Variants in LIN28B observed in about 807,000 individuals in gnomAD.
LIN28B encodes the protein lin-28 RNA binding posttranscriptional regulator B.
LIN28B carries 5 observed loss-of-function variants against 21.9 expected under a neutral mutation model. The observed-to-expected ratio is 0.23, with a 90% CI of 0.12 to 0.48. The LOEUF is 0.48. LIN28B is among the 20% of genes least tolerant of loss of function. LIN28B has a pLI of 0.98. For missense variants in LIN28B, 245 were observed against 310.5 expected, an observed-to-expected ratio of 0.79 and a Z score of 1.58; for synonymous variants, 109 against 111.3, an observed-to-expected ratio of 0.98 and a Z score of 0.13.
intron 2 of LIN28B, among the ~76,000 whole-genome samples, chr6:104,961,141 C>T (rs1342070731): frequency 2.0e-5 from 3 of 151,878 alleles, no homozygotes; most frequent in African/African-American, 4.8e-5. Flanking sequence ...TATATTCTGA[C>T]CCATGTTAAT....
At chr6:104,939,299 C>T (rs970806140) in intron 2 of LIN28B, 4 of 152,158 alleles carry the variant, frequency 2.6e-5, no homozygotes, top group African/African-American at 7.2e-5. Flanking sequence ...TACTACTTCG[C>T]AAAGTAATGT....
rs1772484973 is a variant in LIN28B at position 105,078,837 on chromosome 6, C to T, written c.*54C>T. 1 of 1,557,552 alleles carries T rather than the reference C, an allele frequency of 6.4e-7. No individual in the cohort carries two copies. Among genetic ancestry groups the T allele is most frequent in the Non-Finnish European group, 8.7e-7 (1 of 1,149,420 alleles). ...ACCCGGTTGCAAAGTCTACCTCATG[C>T]AAGTATAGGGGAACAGTATTTCACA... On this transcript the variant is annotated 3_prime_UTR_variant, in exon 4 of 4. Transcript: ENST00000345080.
At chr6:105,030,592 C>CTTTTTTTTTTTTTT (rs980799980) in intron 3 of LIN28B, among the ~76,000 whole-genome samples, 2 of 106,594 alleles carry the variant, frequency 1.9e-5, no homozygotes, top group Non-Finnish European at 3.8e-5. Flanking sequence ...TTCTTTCTTT[C>CTTTTTTTTTTTTTT]TTTTTTTTTT....
At chr6:104,950,177 A>G (rs553664289) in intron 2 of LIN28B, among the ~76,000 whole-genome samples, 49 of 152,282 alleles carry the variant, frequency 3.2e-4, no homozygotes, top group Middle Eastern at 6.8e-3. Flanking sequence ...TAAAATTTAA[A>G]CTGCATTGTT....
At chr6:105,023,831 TATAAG>T (rs1228382641) in intron 2 of LIN28B, among the ~76,000 whole-genome samples, 9 of 148,810 alleles carry the variant, frequency 6.0e-5, no homozygotes, top group African/African-American at 2.2e-4. Flanking sequence ...GCAGTTCACT[TATAAG>T]ATACCTATCA....
At chr6:104,965,504 C>G (rs1387964216) in intron 2 of LIN28B, among the ~76,000 whole-genome samples, 2 of 152,216 alleles carry the variant, frequency 1.3e-5, no homozygotes, top group African/African-American at 4.8e-5. Context: ...GTCTGGACGA[C>G]AGAGCAAGAT....
chr6:105,043,529 GA>G (rs1388962589), intron 3 of LIN28B, among the ~76,000 whole-genome samples: 1 of 150,560 alleles, frequency 6.6e-6, no homozygotes, highest in African/African-American at 2.4e-5. Flanking sequence ...AACTTAATAA[GA>G]TTGATAATTT....
Position 105,082,804 on chromosome 6 carries a change from G to C in LIN28B, c.*4021G>C, listed in dbSNP as rs1486827079. The C allele has an allele frequency of 5.2e-5, 8 of 152,760 alleles. No homozygotes were observed. The East Asian group carries it at 1.4e-3, about 26-fold the overall frequency. 9.5% of individuals were successfully genotyped at this position (152,760 alleles called of 1,614,324 possible). A position where few individuals can be genotyped will look rare whatever the true frequency, so the allele number is the denominator to read the frequency against. Reference sequence around the variant, plus strand: ...ATGGTAAAGTACTGTACTGTGAGAAGTATTATGATATTTAATGCATCTGTG... The same window carrying C: ...ATGGTAAAGTACTGTACTGTGAGAACTATTATGATATTTAATGCATCTGTG... On this transcript the variant is annotated 3_prime_UTR_variant, in exon 4 of 4. Coordinates refer to ENST00000345080, the MANE Select transcript of LIN28B (RefSeq NM_001004317.4).
At chr6:104,961,640 T>G (rs1277776480) in intron 2 of LIN28B, among the ~76,000 whole-genome samples, 1 of 152,136 alleles carries the variant, frequency 6.6e-6, no homozygotes, top group African/African-American at 2.4e-5. Context: ...GACCTTGTGA[T>G]CTGCCTGCCT....
At chr6:105,051,658 A>G (rs145310358) in intron 3 of LIN28B, among the ~76,000 whole-genome samples, 1 of 152,272 alleles carries the variant, frequency 6.6e-6, no homozygotes, top group East Asian at 1.9e-4. Context: ...TCATGGGTAC[A>G]AAGTAACTAC....
At chr6:104,951,313 T>C (rs965974971) in intron 3 of LIN28B, among the ~76,000 whole-genome samples, 1 of 152,082 alleles carries the variant, frequency 6.6e-6, no homozygotes, top group Non-Finnish European at 1.5e-5. Context: ...TTTTCAAATA[T>C]AGGATTGTGA....
At chr6:105,031,175 T>A (rs1180991843) in intron 3 of LIN28B, among the ~76,000 whole-genome samples, 1 of 152,048 alleles carries the variant, frequency 6.6e-6, no homozygotes, top group South Asian at 2.1e-4. Context: ...GTCTGAACCA[T>A]GGATTTCTGC....
chr6:105,046,138 G>A lies in LIN28B; in HGVS notation c.383+19656G>A, dbSNP rs552264441. Among the ~76,000 whole-genome samples, 4 of 152,186 alleles carry A rather than the reference G, an allele frequency of 2.6e-5. No homozygotes were observed. In the South Asian group the frequency reaches 8.3e-4, roughly 32 times the overall value. On this transcript the variant is annotated intron_variant, in intron 3 of 3. Transcript: ENST00000345080. ...TCCATTAACTCAACATTTACATTAG[G>A]TATATCTCCTAATGCTATCCGTCCC...
chr6:104,992,168 C>G (rs1770501755), intron 2 of LIN28B, among the ~76,000 whole-genome samples: 1 of 151,648 alleles, frequency 6.6e-6, no homozygotes, highest in African/African-American at 2.4e-5. Flanking sequence ...TCAAGTGATT[C>G]TCCTGCCTCA....
intron 3 of LIN28B, among the ~76,000 whole-genome samples, chr6:105,027,863 C>T (rs544490184): frequency 2.0e-5 from 3 of 152,226 alleles, no homozygotes; most frequent in South Asian, 4.1e-4. Context: ...CCAGTTATCT[C>T]TGTAGCACTT....
At chr6:104,941,403 C>A (rs1778089805) in intron 2 of LIN28B, 1 of 142,780 alleles carries the variant, frequency 7.0e-6, no homozygotes, top group East Asian at 2.2e-4. Flanking sequence ...CCAGGCTCGC[C>A]GCTGCGGTTG....
chr6:105,063,655 A>AAAG (rs1257350221), intron 3 of LIN28B, among the ~76,000 whole-genome samples: 1 of 144,992 alleles, frequency 6.9e-6, no homozygotes, highest in Non-Finnish European at 1.5e-5. Flanking sequence ...GGGGAAAAAA[A>AAAG]GGTAAAGTAA....
At chr6:104,986,126 G>A (rs1770335047) in intron 2 of LIN28B, among the ~76,000 whole-genome samples, 2 of 152,096 alleles carry the variant, frequency 1.3e-5, no homozygotes, top group South Asian at 4.2e-4. Flanking sequence ...TTAAAAGTGT[G>A]TAGCACTTCC....
At chr6:105,021,392 G>C in intron 2 of LIN28B, among the ~76,000 whole-genome samples, 1 of 152,108 alleles carries the variant, frequency 6.6e-6, no homozygotes, top group East Asian at 1.9e-4. Context: ...CCAGTAGTGG[G>C]ATTGCTAAAT....
Sources: gnomAD v4.1 joint callset for allele counts (sites outside exome capture counted in the v4.1 genomes callset) on GRCh38, gnomAD v4.1.1 for gene constraint, MANE v1.5 for transcripts, NCBI Gene and HGNC (gene_info 2026-07-23, HGNC 2026-07-21) for gene names.